SNX24: variants seen among roughly 807,000 people sequenced by gnomAD.
The protein encoded by SNX24 is sorting nexin 24.
A neutral mutation model predicts 28.7 loss-of-function variants in SNX24; 22 were observed. That is an observed-to-expected ratio of 0.77 (90% CI 0.55 to 1.10). SNX24 has a LOEUF of 1.10. Ranked by LOEUF, SNX24 falls within the 50% of genes least tolerant of loss-of-function variation. SNX24 has a pLI of 0.00. For missense variants in SNX24, 221 were observed against 201.1 expected (o/e 1.10, Z -0.60); for synonymous variants, 69 against 71.5 (o/e 0.96, Z 0.18).
chr5:123,001,196 T>G (rs964843358), intron 4 of SNX24, among the ~76,000 whole-genome samples: 2 of 152,182 alleles, frequency 1.3e-5, no homozygotes, highest in Non-Finnish European at 2.9e-5. Context: ...TTTTAAGTAA[T>G]CTTAAGAGAA....
intron 3 of SNX24, among the ~76,000 whole-genome samples, chr5:122,995,951 T>C (rs1244832298): frequency 6.6e-6 from 1 of 152,122 alleles, no homozygotes; most frequent in Non-Finnish European, 1.5e-5. Flanking sequence ...CCAGCAACGA[T>C]AGAGTGGAAA....
At chr5:122,864,344 CT>C (rs1444222915) in intron 1 of SNX24, among the ~76,000 whole-genome samples, 1 of 152,160 alleles carries the variant, frequency 6.6e-6, no homozygotes, top group Non-Finnish European at 1.5e-5. Flanking sequence ...ACAAGGGTGA[CT>C]CCCAAGGTTT....
In SNX24 at chr5:122,890,471, A is replaced by ATTT. The variant is rs1161406947; in HGVS notation, c.60+44792_60+44794dup. Among the ~76,000 whole-genome samples, 823 of 138,898 alleles carry ATTT rather than the reference A, an allele frequency of 5.9e-3. 14 individuals carry two copies. Among genetic ancestry groups the ATTT allele is most frequent in the East Asian group, 0.012 (57 of 4,826 alleles). 91.1% of individuals were successfully genotyped at this position (138,898 alleles called of 152,430 possible). A position where few individuals can be genotyped will look rare whatever the true frequency, so the allele number is the denominator to read the frequency against. On this transcript the variant is annotated intron_variant, in intron 1 of 6. Coordinates refer to ENST00000261369, the MANE Select transcript of SNX24 (RefSeq NM_014035.4). Reference sequence around the variant, plus strand: ...AGGAAAAGATTTCCATTTAGAGGGGATTTTTTTTTTTTTTTTGACACGGAA... The same window carrying ATTT: ...AGGAAAAGATTTCCATTTAGAGGGGATTTTTTTTTTTTTTTTTTTGACACGGAA...
intron 1 of SNX24, among the ~76,000 whole-genome samples, chr5:122,917,208 G>A (rs990098333): frequency 6.7e-6 from 1 of 148,676 alleles, no homozygotes; most frequent in Non-Finnish European, 1.5e-5. Flanking sequence ...AGTGAGCCGA[G>A]ATTGTGCCAC....
intron 5 of SNX24, chr5:123,028,908 C>G: frequency 6.8e-7 from 1 of 1,477,278 alleles, no homozygotes; most frequent in Non-Finnish European, 9.4e-7. Flanking sequence ...GTAACAGAGG[C>G]CATACTGAAA....
At chr5:123,019,933 GTCCT>G in intron 5 of SNX24, among the ~76,000 whole-genome samples, 1 of 152,382 alleles carries the variant, frequency 6.6e-6, no homozygotes, top group Non-Finnish European at 1.5e-5. Flanking sequence ...GCAGGGGGAT[GTCCT>G]TAGCTCTTGG....
At chr5:122,957,308 CA>C (rs1760256509) in intron 3 of SNX24, among the ~76,000 whole-genome samples, 1 of 152,146 alleles carries the variant, frequency 6.6e-6, no homozygotes, top group Non-Finnish European at 1.5e-5. Flanking sequence ...GCACTCTTCT[CA>C]AAAAACCGTT....
chr5:122,933,221 A>G (rs1276255672), intron 1 of SNX24, among the ~76,000 whole-genome samples: 1 of 152,178 alleles, frequency 6.6e-6, no homozygotes, highest in Non-Finnish European at 1.5e-5. Flanking sequence ...AGAGTACTGT[A>G]ACTAATGCCT....
rs762172539 is a variant in SNX24, at chr5:122,939,303, G to A, written c.144+2486G>A. On this transcript the variant is annotated intron_variant, in intron 2 of 6. Coordinates refer to ENST00000261369, the MANE Select transcript of SNX24 (RefSeq NM_014035.4). Reference sequence around the variant, plus strand: ...CTCCAAAAATTAGATTTGTTTATTAGCAAGCATGTATGTTGCCTTGTTTTA... The same window carrying A: ...CTCCAAAAATTAGATTTGTTTATTAACAAGCATGTATGTTGCCTTGTTTTA... 4.3e-4 allele frequency among the ~76,000 whole-genome samples: 65 copies of A among 152,106 alleles called. 1 individual carries two copies. The highest frequency in any genetic ancestry group is 8.7e-4 in the Non-Finnish European group (59 of 68,016).
chr5:122,991,261 C>T (rs964382767), intron 3 of SNX24, among the ~76,000 whole-genome samples: 9 of 151,898 alleles, frequency 5.9e-5, no homozygotes, highest in Non-Finnish European at 1.3e-4. Context: ...CCTCTTAAAT[C>T]CTGGCATTAT....
chr5:123,004,785 C>T (rs965555614), intron 6 of SNX24, among the ~76,000 whole-genome samples: 1 of 152,180 alleles, frequency 6.6e-6, no homozygotes, highest in African/African-American at 2.4e-5. Flanking sequence ...CATCCATAGC[C>T]GGCTGCCTCT....
intron 3 of SNX24, among the ~76,000 whole-genome samples, chr5:122,956,371 CA>C (rs1760215409): frequency 1.0e-4 from 1 of 9,720 alleles, no homozygotes; most frequent in Admixed American, 1.5e-3. Context: ...AATATATACA[CA>C]CACACACACA....
intron 3 of SNX24, among the ~76,000 whole-genome samples, chr5:122,980,926 G>T (rs1360065733): frequency 6.6e-6 from 1 of 152,050 alleles, no homozygotes; most frequent in Non-Finnish European, 1.5e-5. Flanking sequence ...GAAATTGCCG[G>T]TGCTCATGCT....
intron 2 of SNX24, among the ~76,000 whole-genome samples, chr5:122,942,183 C>T (rs1241668963): frequency 6.6e-6 from 1 of 152,182 alleles, no homozygotes; most frequent in Non-Finnish European, 1.5e-5. Context: ...TAGTCACAGC[C>T]CATCCTTTTA....
rs375372841 is a variant in SNX24, at chr5:122,946,035, T to C, written c.145-20T>C. ...CTCTGTTTTTTTTTTTCTTTTTCTTTTCCTATTCTGTCTTTATAGCTTAAG... is the reference window on the plus strand; with the variant it reads ...CTCTGTTTTTTTTTTTCTTTTTCTTCTCCTATTCTGTCTTTATAGCTTAAG... On this transcript the variant is annotated intron_variant, in intron 2 of 6. Transcript: ENST00000261369. The C allele has an allele frequency of 1.7e-5, 23 of 1,332,420 alleles. No individual in the cohort carries two copies. The highest frequency in any genetic ancestry group is 2.4e-5 in the Non-Finnish European group (23 of 955,466). 82.5% of individuals were successfully genotyped at this position (1,332,420 alleles called of 1,614,324 possible).
At chr5:122,992,214 G>A (rs1167531712) in intron 3 of SNX24, among the ~76,000 whole-genome samples, 1 of 152,152 alleles carries the variant, frequency 6.6e-6, no homozygotes, top group Non-Finnish European at 1.5e-5. Flanking sequence ...TTTAGAGATA[G>A]CCAAAGAGAG....
In SNX24 at chr5:122,989,232, G is replaced by T. The variant is rs143370771; in HGVS notation, c.250-10680G>T. 2.4e-3 allele frequency among the ~76,000 whole-genome samples: 372 copies of T among 152,298 alleles called. 1 individual carries two copies. The highest frequency in any genetic ancestry group is 8.7e-3 in the African/African-American group (361 of 41,570). ...AGTTTTAACCTTAAGCACTCAGAAG[G>T]AAAGTGGTAGGTAGTTGTGGGTTTT... On this transcript the variant is annotated intron_variant, in intron 3 of 6. Transcript: ENST00000261369.
In SNX24 at chr5:122,910,699, A is replaced by G. The variant is rs903048790; in HGVS notation, c.61-26035A>G. On this transcript the variant is annotated intron_variant, in intron 1 of 6. Transcript: ENST00000261369. ...TGTTCTCATTGTTCAATTCCCATCT[A>G]TGAGTGAGAACATGTGGTGTTTCGT... 9.5e-5 allele frequency among the ~76,000 whole-genome samples: 13 copies of G among 136,934 alleles called. No individual in the cohort carries two copies. The East Asian group carries it at 1.5e-3, about 16-fold the overall frequency. The allele number at this position is 136,934 out of a possible 152,430, so 89.8% of individuals were successfully genotyped here. A position where few individuals can be genotyped will look rare whatever the true frequency, so the allele number is the denominator to read the frequency against.
intron 6 of SNX24, among the ~76,000 whole-genome samples, chr5:123,007,452 A>G (rs539360407): frequency 2.6e-5 from 4 of 152,324 alleles, no homozygotes; most frequent in African/African-American, 9.6e-5. Flanking sequence ...TCAATAAGCT[A>G]CAAATCTGGC....
Sources: allele counts gnomAD v4.1 joint callset (sites outside exome capture counted in the v4.1 genomes callset), GRCh38; gene constraint gnomAD v4.1.1; transcripts MANE v1.5; gene names NCBI Gene and HGNC (gene_info 2026-07-23, HGNC 2026-07-21).